The following HOXD1 variants were observed in gnomAD, a reference collection of about 807,000 sequenced individuals.
HOXD1 encodes homeobox D1, also known as homeobox protein Hox-D1.
HOXD1 carries 17 observed loss-of-function variants against 19.9 expected under a neutral mutation model. The observed-to-expected ratio is 0.85, with a 90% CI of 0.58 to 1.28. The LOEUF (loss-of-function observed/expected upper bound fraction) is 1.28. Ranked by LOEUF, HOXD1 falls within the 50% of genes most tolerant of loss-of-function variation. The probability of loss-of-function intolerance (pLI) is 0.00; values close to 1 mark genes in which losing one functional copy is unlikely to be tolerated. For synonymous variants in HOXD1, 239 were observed against 216.0 expected, an observed-to-expected ratio of 1.11 and a Z score of -0.93; for missense variants, 500 against 460.1, an observed-to-expected ratio of 1.09 and a Z score of -0.79.
At position 176,188,994 on chromosome 2, in the gene HOXD1, C is replaced by T. The variant is rs1291948948; in HGVS notation, c.193C>T (p.Pro65Ser). ...GGCCGCCGCCCGACCCTCGCCTTCG[C>T]CCCCGGCCGCCCCCGCGCGGCCGTC... ...PLAAARPSPS[P>S]PAAPARPSVP... Residue 65 changes from proline (P) to serine (S), a missense_variant, in exon 1 of 2, where the codon CCC becomes TCC. Pro to Ser is a moderately conservative substitution (Grantham distance 74). Coordinates refer to ENST00000331462, the MANE Select transcript of HOXD1 (RefSeq NM_024501.3). 1.4e-6 allele frequency: 2 copies of T among 1,427,010 alleles called. No homozygotes were observed. Among genetic ancestry groups the T allele is most frequent in the South Asian group, 1.5e-5 (1 of 65,372 alleles). The allele number at this position is 1,427,010 out of a possible 1,614,324, so 88.4% of individuals were successfully genotyped here.
At chr2:176,189,677 T>G (rs778341927) in intron 1 of HOXD1, 131 bp from the exon 2 acceptor site, 6 of 1,598,860 alleles carry the variant, frequency 3.8e-6, no homozygotes, top group South Asian at 2.2e-5. Context: ...GTGGAACTTC[T>G]CCTGGTACAA....
rs750417702 is a variant in HOXD1, at chr2:176,189,346, C to CGT, written c.545_546insGT (p.Pro183SerfsTer27). 1 of 1,613,056 alleles carries CGT rather than the reference C, an allele frequency of 6.2e-7. No homozygotes were observed. The highest frequency in any genetic ancestry group is 1.1e-5 in the South Asian group (1 of 91,064). On this transcript the variant is annotated frameshift_variant, in exon 1 of 2. Transcript: ENST00000331462. LOFTEE classifies it high-confidence loss of function. ...CACCCTGGTGCTTTCCAGACCGCAT[C>CGT]CCCGGCCCCAGGCACCTACCCCAAG...
chr2:176,189,766 C>T (rs761001766), intron 1 of HOXD1, 42 bp from the exon 2 acceptor site: 3 of 1,611,020 alleles, frequency 1.9e-6, no homozygotes, highest in East Asian at 4.5e-5. Flanking sequence ...ACATTCTGTC[C>T]CCGGCCTCAG....
In HOXD1 at chr2:176,188,917, C is replaced by A. The variant is rs746250392; in HGVS notation, c.116C>A (p.Pro39His). Residue 39 changes from proline (P) to histidine (H), a missense_variant, in exon 1 of 2, where the codon CCC (proline) becomes CAC (histidine). Physicochemically the swap from Pro to His is moderately conservative, Grantham distance 77 (BLOSUM62 -2). Coordinates refer to ENST00000331462, the MANE Select transcript of HOXD1 (RefSeq NM_024501.3). ...RSDARPVALQ[P>H]AFPLGNGDGA... The stretch of plus-strand genomic sequence containing the variant: ...GACGCCCGGCCCGTGGCTCTGCAGC[C>A]CGCCTTCCCTCTGGGCAACGGCGAC... 1 of 1,585,026 alleles carries A rather than the reference C, an allele frequency of 6.3e-7. No individual in the cohort carries two copies. Among genetic ancestry groups the A allele is most frequent in the Admixed American group, 1.7e-5 (1 of 58,042 alleles).
Position 176,189,957 on chromosome 2 carries a change from C to G in HOXD1, c.802C>G (p.Leu268Val), listed in dbSNP as rs181672079. 187 of 1,614,056 alleles carry G rather than the reference C, an allele frequency of 1.2e-4. No homozygotes were observed. The highest frequency in any genetic ancestry group is 1.5e-4 in the Non-Finnish European group (178 of 1,180,010). ...CATCGAGATAGCCAACTGCTTGCAC[C>G]TGAATGACACGCAAGTCAAAATCTG... ...RRIEIANCLH[L>V]NDTQVKIWFQ... is the part of the protein sequence containing the mutation. Residue 268 changes from leucine to valine, a missense_variant, in exon 2 of 2, where the codon CTG (leucine) becomes GTG (valine). By Grantham distance (32) the Leu-to-Val change is conservative. Transcript: ENST00000331462.
In HOXD1 at chr2:176,190,150, A is replaced by G. The variant is rs1279542872; in HGVS notation, c.*8A>G. ...TCCCAAGAGCCTTCGTGAGGCCGGT[A>G]CTTGGGGCCGAAAAACTGTGGCCTG... On this transcript the variant is annotated 3_prime_UTR_variant, in exon 2 of 2. Coordinates refer to ENST00000331462, the MANE Select transcript of HOXD1 (RefSeq NM_024501.3). The G allele has an allele frequency of 2.6e-6, 4 of 1,566,324 alleles. No homozygotes were observed. In the Admixed American group the frequency reaches 7.5e-5, roughly 29 times the overall value.
intron 1 of HOXD1, 126 bp downstream of exon 1, chr2:176,189,579 G>C: frequency 1.3e-6 from 2 of 1,574,268 alleles, no homozygotes; most frequent in African/African-American, 1.4e-5. Context: ...GAGGAGACGC[G>C]TTCCCGGGCG....
At position 176,190,127 on chromosome 2, in the gene HOXD1, C is replaced by T. The variant is rs1432858659; in HGVS notation, c.972C>T (p.Ser324=). 1 of 1,599,534 alleles carries T rather than the reference C, an allele frequency of 6.3e-7. No individual in the cohort carries two copies. The highest frequency in any genetic ancestry group is 8.5e-7 in the Non-Finnish European group (1 of 1,172,558). ...FIKNPGSPSQ[S]QEPS ...AGAACCCCGGCAGCCCTTCTCAGTC[C>T]CAAGAGCCTTCGTGAGGCCGGTACT... The change falls in exon 2 of 2, where the codon TCC becomes TCT. Residue 324 remains serine (S), a synonymous_variant. Transcript: ENST00000331462.
chr2:176,189,778 C>T (rs765162135), intron 1 of HOXD1, 30 bp from the exon 2 acceptor site: 3 of 1,611,426 alleles, frequency 1.9e-6, no homozygotes, highest in Non-Finnish European at 2.5e-6. Context: ...CGGCCTCAGG[C>T]CTGGCTGACG....
At position 176,190,502 on chromosome 2, in the gene HOXD1, G is replaced by A. The variant is rs1691773180; in HGVS notation, c.*360G>A. On this transcript the variant is annotated 3_prime_UTR_variant, in exon 2 of 2. Coordinates refer to ENST00000331462, the MANE Select transcript of HOXD1 (RefSeq NM_024501.3). ...TGTCAGCACTCTGATGTGCTCAGAA[G>A]AGCACCTGCCCAAAGTTTTTCTGGT... The A allele has an allele frequency of 4.3e-6, 1 of 230,856 alleles. No homozygotes were observed. Among genetic ancestry groups the A allele is most frequent in the Admixed American group, 5.3e-5 (1 of 18,768 alleles). The allele number at this position is 230,856 out of a possible 1,614,324, so 14.3% of individuals were successfully genotyped here.
At chr2:176,189,776 G>T in intron 1 of HOXD1, 32 bp from the exon 2 acceptor site, 1 of 1,611,852 alleles carries the variant, frequency 6.2e-7, no homozygotes. Context: ...CCCGGCCTCA[G>T]GCCTGGCTGA....
At position 176,189,016 on chromosome 2, in the gene HOXD1, CG is replaced by C; in HGVS notation, c.216del (p.Ser73ProfsTer136). On this transcript the variant is annotated frameshift_variant, in exon 1 of 2. Coordinates refer to ENST00000331462, the MANE Select transcript of HOXD1 (RefSeq NM_024501.3). LOFTEE classifies it high-confidence loss of function. ...SPSPPAAPAR[P>X]SVPPPAAPQY... ...TCGCCCCCGGCCGCCCCCGCGCGGC[CG>C]TCCGTACCGCCTCCGGCCGCGCCCC... 7.1e-7 allele frequency: 1 copy of C among 1,414,224 alleles called. No individual in the cohort carries two copies. Among genetic ancestry groups the C allele is most frequent in the Non-Finnish European group, 9.1e-7 (1 of 1,098,978 alleles). The allele number at this position is 1,414,224 out of a possible 1,614,324, so 87.6% of individuals were successfully genotyped here. A position where few individuals can be genotyped will look rare whatever the true frequency, so the allele number is the denominator to read the frequency against.
chr2:176,189,629 G>A (rs768008374), intron 1 of HOXD1, 176 bp downstream of exon 1: 6 of 1,564,504 alleles, frequency 3.8e-6, no homozygotes, highest in Non-Finnish European at 5.2e-6. Context: ...TTCGGAAAAT[G>A]TGCCAGGCAT....
Position 176,188,815 on chromosome 2 carries a change from T to G in HOXD1, c.14T>G (p.Leu5Arg). The stretch of plus-strand genomic sequence containing the variant: ...GGGGCCCGAACCATGAGCTCCTACC[T>G]GGAGTACGTGTCATGCAGCAGCAGC... MSSY[L>R]EYVSCSSSGG... Residue 5 changes from leucine (L) to arginine (R), a missense_variant, in exon 1 of 2, where the codon CTG becomes CGG. Transcript: ENST00000331462. 1 of 1,608,598 alleles carries G rather than the reference T, an allele frequency of 6.2e-7. No homozygotes were observed. Among genetic ancestry groups the G allele is most frequent in the Non-Finnish European group, 8.5e-7 (1 of 1,178,082 alleles).
Position 176,190,079 on chromosome 2 carries a change from A to T in HOXD1, c.924A>T (p.Gly308=). The change falls in exon 2 of 2, where the codon GGA becomes GGT. Residue 308 remains glycine, a synonymous_variant. Coordinates refer to ENST00000331462, the MANE Select transcript of HOXD1 (RefSeq NM_024501.3). ...PVAPLQLPLS[G]TTPTKFIKNP... The stretch of plus-strand genomic sequence containing the variant: ...CTCCCCTCCAACTTCCCCTCTCTGG[A>T]ACAACCCCCACTAAGTTTATCAAGA... 1 of 1,613,972 alleles carries T rather than the reference A, an allele frequency of 6.2e-7. No individual in the cohort carries two copies. Among genetic ancestry groups the T allele is most frequent in the Non-Finnish European group, 8.5e-7 (1 of 1,179,892 alleles).
In HOXD1 at chr2:176,189,891, A is replaced by G; in HGVS notation, c.736A>G (p.Lys246Glu). ...CACCAAGCAACTGACAGAACTGGAA[A>G]AAGAGTTTCATTTCAATAAGTACTT... ...FSTKQLTELEKEFHFNKYLTR... is the reference protein window; with the variant it reads ...FSTKQLTELEEEFHFNKYLTR... The change falls in exon 2 of 2, where the codon AAA becomes GAA. Residue 246 changes from lysine (K) to glutamate (E), a missense_variant. Lys to Glu is a moderately conservative substitution (Grantham distance 56). Coordinates refer to ENST00000331462, the MANE Select transcript of HOXD1 (RefSeq NM_024501.3). The G allele has an allele frequency of 6.2e-7, 1 of 1,614,160 alleles. No individual in the cohort carries two copies. The highest frequency in any genetic ancestry group is 8.5e-7 in the Non-Finnish European group (1 of 1,180,026).
Position 176,190,089 on chromosome 2 carries a change from A to G in HOXD1, c.934A>G (p.Thr312Ala), listed in dbSNP as rs1691763822. 6.2e-7 allele frequency: 1 copy of G among 1,613,612 alleles called. No individual in the cohort carries two copies. Among genetic ancestry groups the G allele is most frequent in the Admixed American group, 1.7e-5 (1 of 59,954 alleles). The change falls in exon 2 of 2, where the codon ACT becomes GCT. Residue 312 changes from threonine (T) to alanine (A), a missense_variant. Physicochemically the swap from Thr to Ala is moderately conservative, Grantham distance 58. Transcript: ENST00000331462. ...LQLPLSGTTPTKFIKNPGSPS... is the reference protein window; with the variant it reads ...LQLPLSGTTPAKFIKNPGSPS... The stretch of plus-strand genomic sequence containing the variant: ...ACTTCCCCTCTCTGGAACAACCCCC[A>G]CTAAGTTTATCAAGAACCCCGGCAG...
rs1364958610 is a variant in HOXD1, at chr2:176,190,803, G to A, written c.*661G>A. The A allele has an allele frequency of 6.6e-6, 1 of 152,488 alleles. No homozygotes were observed. The highest frequency in any genetic ancestry group is 2.4e-5 in the African/African-American group (1 of 41,402). 9.4% of individuals were successfully genotyped at this position (152,488 alleles called of 1,614,324 possible). A position where few individuals can be genotyped will look rare whatever the true frequency, so the allele number is the denominator to read the frequency against. Reference sequence around the variant, plus strand: ...TCAAACTTGAATGTAAATATATACAGTATGTATATTTTTTAAAAAGATTTG... The same window carrying A: ...TCAAACTTGAATGTAAATATATACAATATGTATATTTTTTAAAAAGATTTG... On this transcript the variant is annotated 3_prime_UTR_variant, in exon 2 of 2. Coordinates refer to ENST00000331462, the MANE Select transcript of HOXD1 (RefSeq NM_024501.3).
chr2:176,189,696 C>A, intron 1 of HOXD1, 112 bp from the exon 2 acceptor site: 2 of 1,608,618 alleles, frequency 1.2e-6, no homozygotes, highest in South Asian at 1.1e-5. Flanking sequence ...AAATTCTGTT[C>A]CTAGGGACCC....
Sources: gnomAD v4.1 joint callset for allele counts on GRCh38, gnomAD v4.1.1 for gene constraint, MANE v1.5 for transcripts, NCBI Gene and HGNC (gene_info 2026-07-23, HGNC 2026-07-21) for gene names.